GNB5: variants seen among roughly 807,000 people sequenced by gnomAD.
GNB5 encodes the protein G protein subunit beta 5.
Under a neutral mutation model 55.3 loss-of-function variants are expected in GNB5, and 37 were observed. The ratio of observed to expected loss-of-function variants is 0.67; its 90% CI spans 0.51 to 0.88. The LOEUF (loss-of-function observed/expected upper bound fraction) is 0.88, where lower values mean the gene tolerates loss of function less well. GNB5 is among the 40% of genes least tolerant of loss of function. The pLI is 0.00. For synonymous variants in GNB5, 219 were observed against 198.5 expected (o/e 1.10, Z -0.87); for missense variants, 476 against 515.3 (o/e 0.92, Z 0.74).
intron 5 of GNB5, among the ~76,000 whole-genome samples, chr15:52,148,639 G>A (rs934779907): frequency 1.3e-5 from 2 of 152,342 alleles, no homozygotes; most frequent in East Asian, 1.9e-4. Context: ...AGGGATGGGC[G>A]CACTTAGTTC....
intron 1 of GNB5, among the ~76,000 whole-genome samples, chr15:52,185,753 T>TTTA (rs9302164): frequency 0.38 from 51,102 of 136,268 alleles, 10,346 homozygotes; most frequent in Non-Finnish European, 0.47. Flanking sequence ...TATTCATCTT[T>TTTA]TTATTATTAT....
chr15:52,126,125 C>G (rs2033421013), intron 10 of GNB5, 81 bp from the exon 11 acceptor site: 9 of 700,296 alleles, frequency 1.3e-5, no homozygotes, highest in Non-Finnish European at 2.3e-5. Context: ...CAGGTAGGTG[C>G]TAGTGACTTG....
chr15:52,154,049 G>T lies in GNB5; in HGVS notation c.266C>A (p.Ala89Asp). The change falls in exon 4 of 13, where the codon GCC (alanine) becomes GAC (aspartate). Residue 89 changes from alanine to aspartate, a missense_variant. Physicochemically the swap from Ala to Asp is moderately radical, Grantham distance 126. Transcript: ENST00000261837. ...GGTCTTCATGACAAACTGCCCCAGG[G>T]CCTCCACCCGCTCCGCCACCTGGTG... ...ELHQVAERVE[A>D]LGQFVMKTRR... is the part of the protein sequence containing the mutation. 1 of 1,614,034 alleles carries T rather than the reference G, an allele frequency of 6.2e-7. No individual in the cohort carries two copies. Among genetic ancestry groups the T allele is most frequent in the East Asian group, 2.2e-5 (1 of 44,874 alleles).
chr15:52,188,084 T>TAC (rs2034871280), intron 1 of GNB5, among the ~76,000 whole-genome samples: 2 of 152,232 alleles, frequency 1.3e-5, no homozygotes, highest in Admixed American at 1.3e-4. Flanking sequence ...CTAGTATCTT[T>TAC]ATAAGTATAT....
chr15:52,184,721 G>A, intron 1 of GNB5, 27 bp from the exon 2 acceptor site: 1 of 1,592,720 alleles, frequency 6.3e-7, no homozygotes, highest in Non-Finnish European at 8.6e-7. Flanking sequence ...AGAAGGGAGG[G>A]GGTGTGAGAA....
rs1292426916 is a variant in GNB5, at chr15:52,154,057, C to G, written c.258G>C (p.Arg86=). 6.2e-7 allele frequency: 1 copy of G among 1,614,110 alleles called. No homozygotes were observed. Among genetic ancestry groups the G allele is most frequent in the South Asian group, 1.1e-5 (1 of 91,068 alleles). Residue 86 remains arginine, a synonymous_variant, in exon 4 of 13, where the codon CGG becomes CGC. Coordinates refer to ENST00000261837, the MANE Select transcript of GNB5 (RefSeq NM_016194.4). The stretch of plus-strand genomic sequence containing the variant: ...TGACAAACTGCCCCAGGGCCTCCAC[C>G]CGCTCCGCCACCTGGTGCACTGGAA... ...HDVELHQVAE[R]VEALGQFVMK...
chr15:52,150,413 A>AC (rs1005704546), intron 4 of GNB5, among the ~76,000 whole-genome samples: 1 of 151,794 alleles, frequency 6.6e-6, no homozygotes, highest in African/African-American at 2.4e-5. Context: ...CCATCCAGGA[A>AC]CCCCCCTCCC....
intron 3 of GNB5, among the ~76,000 whole-genome samples, chr15:52,168,348 C>A (rs1329220158): frequency 6.6e-6 from 1 of 152,178 alleles, no homozygotes; most frequent in Non-Finnish European, 1.5e-5. Context: ...AGAGCCAAAT[C>A]ATGAGTGAAC....
intron 3 of GNB5, among the ~76,000 whole-genome samples, chr15:52,176,010 T>C (rs1457623993): frequency 1.3e-5 from 2 of 151,232 alleles, no homozygotes; most frequent in African/African-American, 4.9e-5. Context: ...GATCATGCCA[T>C]TGCACTCCAG....
chr15:52,150,578 G>T (rs1239302275), intron 4 of GNB5, among the ~76,000 whole-genome samples: 1 of 152,210 alleles, frequency 6.6e-6, no homozygotes, highest in Non-Finnish European at 1.5e-5. Flanking sequence ...CACCCATCGT[G>T]GTGGGAACCC....
intron 11 of GNB5, chr15:52,125,271 G>A (rs1394482004): frequency 6.6e-6 from 1 of 152,482 alleles, no homozygotes; most frequent in African/African-American, 2.4e-5. Context: ...TCAAGGCACT[G>A]AGAAGGGACT....
intron 10 of GNB5, among the ~76,000 whole-genome samples, chr15:52,127,924 T>A (rs1333808133): frequency 1.3e-5 from 2 of 151,778 alleles, no homozygotes; most frequent in East Asian, 3.9e-4. Context: ...TGGAGAGAAA[T>A]ATTTACCAGC....
chr15:52,182,410 G>T (rs532093072), intron 2 of GNB5, among the ~76,000 whole-genome samples: 2 of 152,270 alleles, frequency 1.3e-5, no homozygotes, highest in African/African-American at 4.8e-5. Context: ...GAGGCACGTG[G>T]TACTTCTCAC....
At chr15:52,136,108 CAGA>C (rs2033706197) in intron 7 of GNB5, among the ~76,000 whole-genome samples, 1 of 79,768 alleles carries the variant, frequency 1.3e-5, no homozygotes, top group African/African-American at 6.1e-5. Flanking sequence ...CAGGGAAAAG[CAGA>C]AAACACACAC....
At chr15:52,167,569 G>A (rs1319501957) in intron 3 of GNB5, among the ~76,000 whole-genome samples, 1 of 152,068 alleles carries the variant, frequency 6.6e-6, no homozygotes, top group Non-Finnish European at 1.5e-5. Flanking sequence ...TACTCAGGAG[G>A]CTGAGGCAGG....
intron 3 of GNB5, among the ~76,000 whole-genome samples, chr15:52,169,273 T>A (rs2034508095): frequency 6.6e-6 from 1 of 150,622 alleles, no homozygotes; most frequent in Admixed American, 6.6e-5. Context: ...TGAGCCGAGA[T>A]CGCACCACTG....
chr15:52,128,387 T>C, intron 9 of GNB5, 143 bp from the exon 10 acceptor site: 1 of 652,268 alleles, frequency 1.5e-6, no homozygotes, highest in Non-Finnish European at 2.8e-6. Context: ...AGGAAGCTCC[T>C]ATGTCAGGCC....
intron 3 of GNB5, among the ~76,000 whole-genome samples, chr15:52,170,066 T>C (rs1009980233): frequency 2.6e-5 from 4 of 152,160 alleles, no homozygotes; most frequent in African/African-American, 9.7e-5. Context: ...AAGTAACAGA[T>C]GCTGGTGAGG....
At chr15:52,149,782 C>T (rs1490777657) in intron 5 of GNB5, 102 bp downstream of exon 5, 1 of 839,088 alleles carries the variant, frequency 1.2e-6, no homozygotes, top group Non-Finnish European at 2.1e-6. Context: ...TGCAGGGATA[C>T]ATGGAGAGAA....
Sources: gnomAD v4.1 joint callset for allele counts (sites outside exome capture counted in the v4.1 genomes callset) on GRCh38, gnomAD v4.1.1 for gene constraint, MANE v1.5 for transcripts, NCBI Gene and HGNC (gene_info 2026-07-23, HGNC 2026-07-21) for gene names.